Variants in MRPS27 observed in about 807,000 individuals in gnomAD.
MRPS27 encodes the protein small ribosomal subunit protein mS27.
MRPS27 carries 43 observed loss-of-function variants against 48.9 expected under a neutral mutation model. The ratio of observed to expected loss-of-function variants is 0.88; its 90% confidence interval spans 0.69 to 1.13. The LOEUF (loss-of-function observed/expected upper bound fraction) is 1.13. Among genes scored for constraint, MRPS27 ranks in the 50% most tolerant of loss-of-function variants. The pLI, the probability that MRPS27 is intolerant of heterozygous loss-of-function variation, is 0.00. For missense variants in MRPS27, 467 were observed against 476.3 expected, an observed-to-expected ratio of 0.98 and a Z score of 0.18; for synonymous variants, 188 against 171.9, an observed-to-expected ratio of 1.09 and a Z score of -0.73.
At chr5:72,261,896 A>T (rs1748988988) in intron 4 of MRPS27, among the ~76,000 whole-genome samples, 1 of 152,184 alleles carries the variant, frequency 6.6e-6, no homozygotes, top group African/African-American at 2.4e-5. Flanking sequence ...ATTGAGCAGG[A>T]TTCTGAGGCA....
chr5:72,311,922 C>A (rs530253709), intron 2 of MRPS27, among the ~76,000 whole-genome samples: 1 of 152,288 alleles, frequency 6.6e-6, no homozygotes, highest in East Asian at 1.9e-4. Flanking sequence ...CACCTGACAC[C>A]AGGAGTTCAA....
chr5:72,290,854 C>T (rs2112051479), intron 4 of MRPS27, among the ~76,000 whole-genome samples: 1 of 152,314 alleles, frequency 6.6e-6, no homozygotes, highest in South Asian at 2.1e-4. Flanking sequence ...ACAGACATTT[C>T]CTGTCAGCAG....
At chr5:72,223,626 C>A in intron 10 of MRPS27, 57 bp downstream of exon 10, 2 of 1,586,030 alleles carry the variant, frequency 1.3e-6, no homozygotes. Context: ...TCCATCACCA[C>A]AGGAGAGAAG....
intron 4 of MRPS27, among the ~76,000 whole-genome samples, chr5:72,269,178 T>C (rs528988811): frequency 1.3e-5 from 2 of 152,304 alleles, no homozygotes; most frequent in East Asian, 1.9e-4. Flanking sequence ...GGAACTAAAA[T>C]TGGCTGTAGC....
chr5:72,274,339 G>A (rs1481711917), intron 4 of MRPS27, among the ~76,000 whole-genome samples: 2 of 152,236 alleles, frequency 1.3e-5, no homozygotes, highest in African/African-American at 4.8e-5. Context: ...GGGCGACAGA[G>A]TGAGACTCTG....
rs79046189 is a variant in MRPS27, at chr5:72,239,810, G to A, written c.282-1682C>T. ...TCCTTCCTCCTAAGCCTCTCGAGTA[G>A]CTGGGAGTATAGGTGCATGCCACTA... On this transcript the variant is annotated intron_variant, in intron 4 of 10. Transcript: ENST00000261413. Among the ~76,000 whole-genome samples, 564 of 152,208 alleles carry A rather than the reference G, an allele frequency of 3.7e-3. 1 individual carries two copies. The highest frequency in any genetic ancestry group is 0.013 in the African/African-American group (548 of 41,514).
intron 8 of MRPS27, chr5:72,227,618 C>A (rs554186083): frequency 6.6e-6 from 1 of 152,128 alleles, no homozygotes; most frequent in African/African-American, 2.4e-5. Context: ...TAAATCGGGA[C>A]GTTACATTTA....
intron 2 of MRPS27, among the ~76,000 whole-genome samples, chr5:72,306,304 T>C (rs1750266134): frequency 6.6e-6 from 1 of 152,220 alleles, no homozygotes; most frequent in Non-Finnish European, 1.5e-5. Context: ...GTAAAGATCA[T>C]GAATGGCCTT....
rs78581205 is a variant in MRPS27, at chr5:72,237,227, C to T, written c.396+787G>A. ...AATCCTGCTTATCTGCCTTATTAAA[C>T]TGTAAACTTCCTGAGGGCAAGAACA... On this transcript the variant is annotated intron_variant, in intron 5 of 10. Transcript: ENST00000261413. 3.7e-3 allele frequency among the ~76,000 whole-genome samples: 566 copies of T among 152,238 alleles called. 1 individual carries two copies. The highest frequency in any genetic ancestry group is 0.013 in the African/African-American group (550 of 41,546).
At chr5:72,282,220 A>C (rs993420546) in intron 4 of MRPS27, among the ~76,000 whole-genome samples, 1 of 152,174 alleles carries the variant, frequency 6.6e-6, no homozygotes, top group Non-Finnish European at 1.5e-5. Context: ...AATACTCAGG[A>C]ATTTATTTGC....
chr5:72,279,721 A>G (rs1174019462), intron 4 of MRPS27, among the ~76,000 whole-genome samples: 1 of 152,198 alleles, frequency 6.6e-6, no homozygotes, highest in Non-Finnish European at 1.5e-5. Context: ...ACTTAGTAAT[A>G]AAACAAAACA....
intron 4 of MRPS27, among the ~76,000 whole-genome samples, chr5:72,259,468 CAA>C (rs11286212): frequency 4.4e-3 from 568 of 127,788 alleles, no homozygotes; most frequent in Non-Finnish European, 6.4e-3. Flanking sequence ...AACTTCGTCT[CAA>C]AAAAAAAAAA....
At position 72,223,675 on chromosome 5, in the gene MRPS27, T is replaced by G; in HGVS notation, c.1005+8A>C. ...CTGCTAAGAGAGACACGTTCTGCTA[T>G]GATTCACCTTAAATCGTTCCAGGTA... On this transcript the variant is annotated splice_region_variant and intron_variant, in intron 10 of 10. Coordinates refer to ENST00000261413, the MANE Select transcript of MRPS27 (RefSeq NM_015084.3). The G allele has an allele frequency of 6.2e-7, 1 of 1,613,970 alleles. No homozygotes were observed. The highest frequency in any genetic ancestry group is 1.1e-5 in the South Asian group (1 of 91,074).
At position 72,280,915 on chromosome 5, in the gene MRPS27, G is replaced by C. The variant is rs1170161197; in HGVS notation, c.281+14616C>G. 5.3e-5 allele frequency among the ~76,000 whole-genome samples: 8 copies of C among 152,202 alleles called. No homozygotes were observed. The South Asian group carries it at 1.5e-3, about 28-fold the overall frequency. On this transcript the variant is annotated intron_variant, in intron 4 of 10. Transcript: ENST00000261413. ...TTTGTGGCTGTAAGCTTAGCAATAC[G>C]GGTACACGTATGACAGATTTGATTT...
chr5:72,222,378 T>C (rs1018269710), intron 10 of MRPS27: 4 of 152,204 alleles, frequency 2.6e-5, no homozygotes, highest in African/African-American at 7.2e-5. Context: ...AGGTAGTCTC[T>C]AGCATCCAGA....
chr5:72,290,414 A>C (rs1749787632), intron 4 of MRPS27, among the ~76,000 whole-genome samples: 1 of 152,160 alleles, frequency 6.6e-6, no homozygotes, highest in East Asian at 1.9e-4. Context: ...GTTTCCTATA[A>C]AGAAATTGTA....
intron 4 of MRPS27, among the ~76,000 whole-genome samples, chr5:72,257,466 C>T (rs1331761064): frequency 6.6e-6 from 1 of 152,194 alleles, no homozygotes; most frequent in Non-Finnish European, 1.5e-5. Flanking sequence ...GCTATGGCTG[C>T]TACGTTCATC....
chr5:72,305,749 C>T (rs1460422525), intron 2 of MRPS27, among the ~76,000 whole-genome samples: 1 of 152,246 alleles, frequency 6.6e-6, no homozygotes, highest in Non-Finnish European at 1.5e-5. Flanking sequence ...GGAGCTTCCC[C>T]ATGAGGCCTG....
intron 4 of MRPS27, among the ~76,000 whole-genome samples, chr5:72,262,017 C>T (rs533066127): frequency 6.6e-6 from 1 of 152,254 alleles, no homozygotes; most frequent in African/African-American, 2.4e-5. Flanking sequence ...ATAAAAACAC[C>T]AATCTGTTCT....
Sources: gnomAD v4.1 joint callset for allele counts (sites outside exome capture counted in the v4.1 genomes callset) on GRCh38, gnomAD v4.1.1 for gene constraint, MANE v1.5 for transcripts, NCBI Gene and HGNC (gene_info 2026-07-23, HGNC 2026-07-21) for gene names.